Variants in SLIT2 observed in about 807,000 individuals in gnomAD.
The protein encoded by SLIT2 is slit guidance ligand 2.
SLIT2 carries 41 observed loss-of-function variants against 185.7 expected under a neutral mutation model. The ratio of observed to expected loss-of-function variants is 0.22; its 90% CI spans 0.17 to 0.29. The LOEUF is 0.29. Ranked by LOEUF, SLIT2 falls within the 10% of genes least tolerant of loss-of-function variation. The pLI is 1.00. For synonymous variants in SLIT2, 693 were observed against 680.2 expected (o/e 1.02, Z -0.29); for missense variants, 1,571 against 1,909.0 (o/e 0.82, Z 3.30).
chr4:20,592,359 T>C (rs1271713555), intron 30 of SLIT2, among the ~76,000 whole-genome samples: 2 of 152,212 alleles, frequency 1.3e-5, no homozygotes, highest in Admixed American at 6.5e-5. Flanking sequence ...TTCTAAACAG[T>C]GTATTTTATA....
rs573771358 is a variant in SLIT2 at position 20,329,489 on chromosome 4, A to AATGT, written c.395+60615_395+60618dup. Reference sequence around the variant, plus strand: ...AGTGTTTATTCCATAAGAGAAGATCAATGTATGTATACTATCTAGAAGTCT... The same window carrying AATGT: ...AGTGTTTATTCCATAAGAGAAGATCAATGTATGTATGTATACTATCTAGAAGTCT... On this transcript the variant is annotated intron_variant, in intron 4 of 36. Transcript: ENST00000504154. Among the ~76,000 whole-genome samples the AATGT allele has an allele frequency of 5.1e-4, 77 of 152,210 alleles. No homozygotes were observed. The South Asian group carries it at 0.015, about 29-fold the overall frequency.
rs116776893 is a variant in SLIT2, at chr4:20,381,530, G to A, written c.396-86222G>A. Among the ~76,000 whole-genome samples, 263 of 152,030 alleles carry A rather than the reference G, an allele frequency of 1.7e-3. 2 individuals carry two copies. Among genetic ancestry groups the A allele is most frequent in the African/African-American group, 6.2e-3 (257 of 41,470 alleles). ...ATTTCCCTTTTTTCATGTCTTCTCT[G>A]TTCCATGGATAATTTAGAAATATGT... On this transcript the variant is annotated intron_variant, in intron 4 of 36. Coordinates refer to ENST00000504154, the MANE Select transcript of SLIT2 (RefSeq NM_004787.4).
At chr4:20,374,350 T>C (rs1359979222) in intron 4 of SLIT2, among the ~76,000 whole-genome samples, 1 of 152,142 alleles carries the variant, frequency 6.6e-6, no homozygotes, top group Non-Finnish European at 1.5e-5. Context: ...GAGAAGGACT[T>C]CTTAATGAAT....
intron 4 of SLIT2, among the ~76,000 whole-genome samples, chr4:20,307,457 G>T: frequency 6.6e-6 from 1 of 151,756 alleles, no homozygotes; most frequent in Non-Finnish European, 1.5e-5. Context: ...ATAGAGGCAG[G>T]ATCTCACTTT....
At chr4:20,591,259 T>C (rs966928554) in intron 30 of SLIT2, among the ~76,000 whole-genome samples, 1 of 152,160 alleles carries the variant, frequency 6.6e-6, no homozygotes, top group African/African-American at 2.4e-5. Context: ...TAAGAGAAGA[T>C]GGAATTTGAG....
At chr4:20,290,288 A>C (rs11947835) in intron 4 of SLIT2, among the ~76,000 whole-genome samples, 1 of 152,182 alleles carries the variant, frequency 6.6e-6, no homozygotes, top group South Asian at 2.1e-4. Flanking sequence ...CCATCTGTGG[A>C]TTCAACCAAC....
chr4:20,617,339 C>A, intron 35 of SLIT2, 100 bp from the exon 36 acceptor site: 1 of 1,376,574 alleles, frequency 7.3e-7, no homozygotes. Flanking sequence ...CACTCTGTCC[C>A]TCATATTTTC....
intron 34 of SLIT2, among the ~76,000 whole-genome samples, chr4:20,613,888 T>C (rs2148985380): frequency 6.6e-6 from 1 of 152,256 alleles, no homozygotes; most frequent in South Asian, 2.1e-4. Flanking sequence ...TTTGTTTTTC[T>C]GAGATGGAGT....
At chr4:20,507,716 A>C (rs930132942) in intron 9 of SLIT2, among the ~76,000 whole-genome samples, 1 of 151,764 alleles carries the variant, frequency 6.6e-6, no homozygotes. Context: ...AGAACCTGAA[A>C]TAATATCTAT....
chr4:20,420,380 TATTA>T (rs1728081292), intron 4 of SLIT2, among the ~76,000 whole-genome samples: 1 of 152,214 alleles, frequency 6.6e-6, no homozygotes, highest in Non-Finnish European at 1.5e-5. Flanking sequence ...AGTCTTTCAC[TATTA>T]ATTCATTCAA....
intron 4 of SLIT2, among the ~76,000 whole-genome samples, chr4:20,397,777 A>G (rs1220503411): frequency 6.6e-6 from 1 of 151,798 alleles, no homozygotes; most frequent in African/African-American, 2.4e-5. Flanking sequence ...GAGAGCTCCC[A>G]TATACCCACT....
intron 29 of SLIT2, among the ~76,000 whole-genome samples, chr4:20,576,688 A>C (rs1254069449): frequency 6.6e-6 from 1 of 152,192 alleles, no homozygotes; most frequent in African/African-American, 2.4e-5. Flanking sequence ...GTTTGTATTC[A>C]TCCTCCAACC....
At chr4:20,466,440 A>G (rs1243596753) in intron 4 of SLIT2, among the ~76,000 whole-genome samples, 3 of 152,228 alleles carry the variant, frequency 2.0e-5, no homozygotes. Context: ...ATTGTTTGAA[A>G]TAATTTGTTG....
chr4:20,575,648 A>G (rs911922280), intron 29 of SLIT2, among the ~76,000 whole-genome samples: 1 of 152,018 alleles, frequency 6.6e-6, no homozygotes, highest in Admixed American at 6.6e-5. Context: ...CTATCTCACA[A>G]TAGCTTATTT....
At chr4:20,556,350 A>G (rs150286141) in intron 26 of SLIT2, among the ~76,000 whole-genome samples, 1 of 152,118 alleles carries the variant, frequency 6.6e-6, no homozygotes. Flanking sequence ...CAAACTGCAA[A>G]CTGATTCTGT....
At chr4:20,354,900 TGTGTGTGAGAGAGAGAGAGAGA>T (rs1279131359) in intron 4 of SLIT2, among the ~76,000 whole-genome samples, 1 of 113,846 alleles carries the variant, frequency 8.8e-6, no homozygotes, top group Non-Finnish European at 1.9e-5. Flanking sequence ...TGTGTGTGTG[TGTGTGTGAGAGAGAGAGAGAGA>T]GAGAGAGAGA....
At chr4:20,564,999 C>T (rs1724978594) in intron 26 of SLIT2, among the ~76,000 whole-genome samples, 1 of 151,946 alleles carries the variant, frequency 6.6e-6, no homozygotes, top group African/African-American at 2.4e-5. Context: ...TGAACATGAA[C>T]TACTTCAGCC....
chr4:20,510,486 T>C lies in SLIT2; in HGVS notation c.915-9T>C. On this transcript the variant is annotated splice_polypyrimidine_tract_variant and intron_variant, in intron 9 of 36. Transcript: ENST00000504154. ...TTCCATTTAAAAGTTGAATTTTTTT[T>C]CATTGCAGACGTTTGGAACAGAACA... 2 of 1,598,408 alleles carry C rather than the reference T, an allele frequency of 1.3e-6. No individual in the cohort carries two copies. The highest frequency in any genetic ancestry group is 1.7e-6 in the Non-Finnish European group (2 of 1,166,696).
At chr4:20,613,124 C>A (rs969800223) in intron 34 of SLIT2, among the ~76,000 whole-genome samples, 3 of 152,056 alleles carry the variant, frequency 2.0e-5, no homozygotes, top group Non-Finnish European at 4.4e-5. Context: ...AATAGAGCTA[C>A]CATTCAACCC....
Sources: allele counts gnomAD v4.1 joint callset (sites outside exome capture counted in the v4.1 genomes callset), GRCh38; gene constraint gnomAD v4.1.1; transcripts MANE v1.5; gene names NCBI Gene and HGNC (gene_info 2026-07-23, HGNC 2026-07-21).